The following RSF1 variants were observed in gnomAD, a reference collection of about 807,000 sequenced individuals.
RSF1 encodes remodeling and spacing factor 1, also known as HBV pX-associated protein 8.
Under a neutral mutation model 145.2 loss-of-function variants are expected in RSF1, and 13 were observed. The ratio of observed to expected loss-of-function variants is 0.09; its 90% CI spans 0.06 to 0.14. The LOEUF (loss-of-function observed/expected upper bound fraction) is 0.14. Among genes scored for constraint, RSF1 ranks in the 10% least tolerant of loss-of-function variants. RSF1 has a pLI of 1.00. For missense variants in RSF1, 1,517 were observed against 1,718.2 expected (o/e 0.88, Z 2.07); for synonymous variants, 577 against 592.6 (o/e 0.97, Z 0.38).
rs550978468 is a variant in RSF1 at position 77,675,085 on chromosome 11, A to G, written c.3513T>C (p.Tyr1171=). 53 of 1,614,002 alleles carry G rather than the reference A, an allele frequency of 3.3e-5. 1 individual carries two copies. The South Asian group carries it at 4.9e-4, about 15-fold the overall frequency. The part of the protein sequence containing the change: ...RLRRKTPKKK[Y]SDDDEEEESE... The stretch of plus-strand genomic sequence containing the variant: ...ATTCCTCCTCTTCATCATCATCGGA[A>G]TATTTTTTCTTTGGGGTCTTTCTTC... The change falls in exon 14 of 16, where the codon TAT becomes TAC. Residue 1171 remains tyrosine, a synonymous_variant. Coordinates refer to ENST00000308488, the MANE Select transcript of RSF1 (RefSeq NM_016578.4).
intron 5 of RSF1, among the ~76,000 whole-genome samples, chr11:77,717,166 A>AAT (rs1310667338): frequency 8.6e-6 from 1 of 116,334 alleles, no homozygotes. Context: ...CAAAAAAAAA[A>AAT]CAAAAACCAA....
the RSF1 span, among the ~76,000 whole-genome samples, chr11:77,844,456 G>A: frequency 2.6e-5 from 4 of 151,968 alleles, no homozygotes; most frequent in African/African-American, 7.3e-5. Context: ...TACACCACCT[G>A]GGTGAAAGGG....
At position 77,660,385 on chromosome 11, in the gene RSF1, A is replaced by T. The variant is rs1195954558; in HGVS notation, c.*6532T>A. The stretch of plus-strand genomic sequence containing the variant: ...TTACTTTGCGTGTTATCAGAATTAC[A>T]TTTCCAGTTTTCTGATCTTCCCTGC... On this transcript the variant is annotated 3_prime_UTR_variant, in exon 16 of 16. Transcript: ENST00000308488. The T allele has an allele frequency of 6.6e-6, 1 of 152,094 alleles. No homozygotes were observed. The highest frequency in any genetic ancestry group is 2.4e-5 in the African/African-American group (1 of 41,432). The allele number at this position is 152,094 out of a possible 1,614,324, so 9.4% of individuals were successfully genotyped here. A position where few individuals can be genotyped will look rare whatever the true frequency, so the allele number is the denominator to read the frequency against.
chr11:77,719,336 C>T (rs1258373234), intron 5 of RSF1, among the ~76,000 whole-genome samples: 1 of 152,080 alleles, frequency 6.6e-6, no homozygotes, highest in African/African-American at 2.4e-5. Flanking sequence ...TTTGTTATTC[C>T]AAAATTGATA....
At chr11:77,826,672 C>G in the RSF1 span, among the ~76,000 whole-genome samples, 12 of 152,204 alleles carry the variant, frequency 7.9e-5, no homozygotes, top group African/African-American at 2.7e-4. Flanking sequence ...ACCTTTGAAA[C>G]AGACACACCA....
intron 9 of RSF1, among the ~76,000 whole-genome samples, chr11:77,688,323 T>G (rs1242125627): frequency 6.6e-6 from 1 of 151,994 alleles, no homozygotes; most frequent in Non-Finnish European, 1.5e-5. Flanking sequence ...AAAATTCTCT[T>G]CCTTAGTGGA....
chr11:77,798,581 TAAAAAAAAAAAAAAAA>T (rs543236647), intron 1 of RSF1, among the ~76,000 whole-genome samples: 132 of 24,468 alleles, frequency 5.4e-3, no homozygotes, highest in African/African-American at 1.0e-2. Context: ...GACTCCATCT[TAAAAAAAAAAAAAAAA>T]AAAAAAAAAA....
At chr11:77,710,936 C>G (rs1472573991) in intron 5 of RSF1, among the ~76,000 whole-genome samples, 1 of 152,028 alleles carries the variant, frequency 6.6e-6, no homozygotes, top group Non-Finnish European at 1.5e-5. Flanking sequence ...TGATTCCTAG[C>G]TTATCATGCT....
At position 77,680,121 on chromosome 11, in the gene RSF1, G is replaced by A. The variant is rs115210017; in HGVS notation, c.3066-1968C>T. ...ATTATATTGAAGAGGGTGGGATTACGGGCACACAATGGATTAACAACAGCA... is the reference window on the plus strand; with the variant it reads ...ATTATATTGAAGAGGGTGGGATTACAGGCACACAATGGATTAACAACAGCA... On this transcript the variant is annotated intron_variant, in intron 11 of 15. Transcript: ENST00000308488. Among the ~76,000 whole-genome samples the A allele has an allele frequency of 6.5e-3, 986 of 152,132 alleles. 9 individuals are homozygous for A. The highest frequency in any genetic ancestry group is 0.022 in the African/African-American group (917 of 41,498).
At chr11:77,692,540 G>A (rs1223469354) in intron 8 of RSF1, among the ~76,000 whole-genome samples, 1 of 102,974 alleles carries the variant, frequency 9.7e-6, no homozygotes, top group Non-Finnish European at 1.8e-5. Context: ...CACCGCGCCC[G>A]GCCACTACTT....
At chr11:77,726,859 A>C (rs2135888724) in intron 4 of RSF1, among the ~76,000 whole-genome samples, 1 of 152,304 alleles carries the variant, frequency 6.6e-6, no homozygotes, top group Non-Finnish European at 1.5e-5. Context: ...GGAACTCTGC[A>C]TTCCAAAGAG....
intron 5 of RSF1, among the ~76,000 whole-genome samples, chr11:77,724,067 A>G (rs1960995980): frequency 6.6e-6 from 1 of 152,376 alleles, no homozygotes; most frequent in African/African-American, 2.4e-5. Context: ...AAAAAAATAA[A>G]CAACCCAAAG....
chr11:77,808,573 G>T (rs1343862108), intron 1 of RSF1, among the ~76,000 whole-genome samples: 1 of 73,636 alleles, frequency 1.4e-5, no homozygotes, highest in East Asian at 4.8e-4. Flanking sequence ...TCGCTCTGTC[G>T]CCCAGGCTGG....
At chr11:77,781,158 T>C (rs551544248) in intron 1 of RSF1, among the ~76,000 whole-genome samples, 3 of 152,226 alleles carry the variant, frequency 2.0e-5, no homozygotes, top group African/African-American at 7.2e-5. Context: ...TGGAGTGCAG[T>C]GGCTCGATTT....
chr11:77,813,820 GACACACAC>G (rs10688175), intron 1 of RSF1: 24,350 of 169,274 alleles, frequency 0.14, 2,224 homozygotes, highest in African/African-American at 0.26. Context: ...TTTGTAAAAG[GACACACAC>G]ACACACACAC....
At chr11:77,833,208 G>T in the RSF1 span, among the ~76,000 whole-genome samples, 8 of 150,914 alleles carry the variant, frequency 5.3e-5, no homozygotes, top group African/African-American at 1.7e-4. Flanking sequence ...TGGGGTTTTC[G>T]CCATGTTGGC....
intron 5 of RSF1, among the ~76,000 whole-genome samples, chr11:77,706,398 A>G (rs1169268348): frequency 6.6e-6 from 1 of 151,966 alleles, no homozygotes; most frequent in Non-Finnish European, 1.5e-5. Flanking sequence ...TGAAACATAA[A>G]TATCTATACC....
intron 2 of RSF1, among the ~76,000 whole-genome samples, chr11:77,760,614 A>G (rs537174122): frequency 5.9e-5 from 9 of 152,280 alleles, no homozygotes; most frequent in Admixed American, 5.9e-4. Flanking sequence ...TATAAAAATT[A>G]AGAGTGTTAA....
At chr11:77,715,565 G>GGCTT (rs1383521429) in intron 5 of RSF1, among the ~76,000 whole-genome samples, 3 of 151,886 alleles carry the variant, frequency 2.0e-5, no homozygotes, top group Non-Finnish European at 4.4e-5. Flanking sequence ...CTCCTGCCTT[G>GGCTT]GCTTCCCAAG....
Sources: allele counts gnomAD v4.1 joint callset (sites outside exome capture counted in the v4.1 genomes callset), GRCh38; gene constraint gnomAD v4.1.1; transcripts MANE v1.5; gene names NCBI Gene and HGNC (gene_info 2026-07-23, HGNC 2026-07-21).